Variants in ME1 observed in about 807,000 individuals in gnomAD.
The protein encoded by ME1 is NADP-dependent malic enzyme.
A neutral mutation model predicts 66.4 loss-of-function variants in ME1; 74 were observed. The observed-to-expected ratio is 1.11, with a 90% CI of 0.92 to 1.35. ME1 has a LOEUF of 1.35. ME1 is among the 40% of genes most tolerant of loss of function. The pLI is 0.00. For missense variants in ME1, 750 were observed against 694.1 expected (o/e 1.08, Z -0.90); for synonymous variants, 251 against 235.6 (o/e 1.07, Z -0.60).
intron 5 of ME1, among the ~76,000 whole-genome samples, chr6:83,318,030 T>C (rs920315995): frequency 6.6e-6 from 1 of 151,950 alleles, no homozygotes; most frequent in Non-Finnish European, 1.5e-5. Flanking sequence ...TTGACAAACC[T>C]GAGAAAAACA....
At chr6:83,277,936 A>C (rs1170465) in intron 6 of ME1, among the ~76,000 whole-genome samples, 70,558 of 149,550 alleles carry the variant, frequency 0.47, 18,282 homozygotes, top group African/African-American at 0.7. Flanking sequence ...AATATTTGGA[A>C]TTCAACACAG....
At chr6:83,367,052 G>A (rs116592893) in intron 3 of ME1, among the ~76,000 whole-genome samples, 65 of 152,268 alleles carry the variant, frequency 4.3e-4, no homozygotes, top group African/African-American at 1.4e-3. Flanking sequence ...CTGCAGAATG[G>A]ATGATGTTAG....
At chr6:83,284,078 A>G (rs1145914) in intron 6 of ME1, among the ~76,000 whole-genome samples, 33,904 of 152,124 alleles carry the variant, frequency 0.22, 4,157 homozygotes, top group Middle Eastern at 0.39. Context: ...ACAGAAACAC[A>G]GAAGATTCTC....
chr6:83,388,083 C>T lies in ME1; in HGVS notation c.362+10284G>A, dbSNP rs1258602120. On this transcript the variant is annotated intron_variant, in intron 3 of 13. Coordinates refer to ENST00000369705, the MANE Select transcript of ME1 (RefSeq NM_002395.6). ...CTTTCCTTTCTTCCTTCTTTCCTTCCTTCCTTCCTTTTTTTTTTTGGACAG... is the reference window on the plus strand; with the variant it reads ...CTTTCCTTTCTTCCTTCTTTCCTTCTTTCCTTCCTTTTTTTTTTTGGACAG... Among the ~76,000 whole-genome samples the T allele has an allele frequency of 2.5e-5, 3 of 118,322 alleles. No individual in the cohort carries two copies. In the East Asian group the frequency reaches 6.9e-4, roughly 27 times the overall value. 77.6% of individuals were successfully genotyped at this position (118,322 alleles called of 152,430 possible).
At chr6:83,271,887 G>A (rs1767087802) in intron 6 of ME1, among the ~76,000 whole-genome samples, 1 of 152,072 alleles carries the variant, frequency 6.6e-6, no homozygotes. Context: ...TGGGTACATA[G>A]TAGGTGTATA....
At chr6:83,355,598 C>T (rs1265813535) in intron 3 of ME1, among the ~76,000 whole-genome samples, 4 of 152,030 alleles carry the variant, frequency 2.6e-5, no homozygotes, top group South Asian at 2.1e-4. Context: ...AATAAAGGAC[C>T]GGTAACGTCC....
At position 83,325,996 on chromosome 6, in the gene ME1, A is replaced by G. The variant is rs1388428677; in HGVS notation, c.601-10583T>C. Among the ~76,000 whole-genome samples the G allele has an allele frequency of 2.6e-5, 4 of 152,074 alleles. No homozygotes were observed. In the East Asian group the frequency reaches 7.7e-4, roughly 29 times the overall value. On this transcript the variant is annotated intron_variant, in intron 5 of 13. Transcript: ENST00000369705. ...GGAGGCATCATGCTACCTGACTTCA[A>G]ACTATACTACAAGGCTACAGTAACC...
intron 9 of ME1, among the ~76,000 whole-genome samples, chr6:83,230,407 T>C (rs1318439378): frequency 1.3e-5 from 2 of 152,072 alleles, no homozygotes; most frequent in Non-Finnish European, 2.9e-5. Flanking sequence ...ATTTGAAACA[T>C]ATGAACCTCT....
At chr6:83,292,864 C>A (rs557632206) in intron 6 of ME1, among the ~76,000 whole-genome samples, 4 of 152,124 alleles carry the variant, frequency 2.6e-5, no homozygotes, top group African/African-American at 9.7e-5. Flanking sequence ...ACGCCCCTCC[C>A]GCCGCCAAGC....
chr6:83,314,906 G>A (rs1481090438), intron 6 of ME1, among the ~76,000 whole-genome samples: 1 of 152,100 alleles, frequency 6.6e-6, no homozygotes, highest in Admixed American at 6.6e-5. Flanking sequence ...GCTGGTGGTT[G>A]ACCATAAGAG....
intron 6 of ME1, among the ~76,000 whole-genome samples, chr6:83,288,135 C>T (rs1323855616): frequency 6.6e-6 from 1 of 152,064 alleles, no homozygotes; most frequent in African/African-American, 2.4e-5. Flanking sequence ...GTTTCTTTTG[C>T]TGTGCAGAAG....
intron 12 of ME1, among the ~76,000 whole-genome samples, chr6:83,219,277 G>A (rs1411467309): frequency 6.6e-6 from 1 of 152,194 alleles, no homozygotes; most frequent in African/African-American, 2.4e-5. Flanking sequence ...TTTTCTGGGT[G>A]TCAGGTATTG....
At chr6:83,381,426 C>T (rs1335033512) in intron 3 of ME1, among the ~76,000 whole-genome samples, 5 of 149,656 alleles carry the variant, frequency 3.3e-5, no homozygotes, top group South Asian at 4.2e-4. Flanking sequence ...GACGGAGTCT[C>T]GCTCTGTTGC....
chr6:83,303,736 T>C (rs1040034183), intron 6 of ME1, among the ~76,000 whole-genome samples: 17 of 152,096 alleles, frequency 1.1e-4, no homozygotes, highest in African/African-American at 3.6e-4. Context: ...GTTGGAACAC[T>C]TTAGAAACAT....
intron 12 of ME1, among the ~76,000 whole-genome samples, 177 bp downstream of exon 12, chr6:83,223,583 C>T (rs567043976): frequency 1.3e-5 from 2 of 152,274 alleles, no homozygotes; most frequent in African/African-American, 4.8e-5. Flanking sequence ...AAGAACCTTT[C>T]GTTTGTGAGT....
intron 2 of ME1, among the ~76,000 whole-genome samples, chr6:83,402,276 T>C (rs772469275): frequency 5.9e-5 from 9 of 152,226 alleles, no homozygotes; most frequent in Middle Eastern, 3.4e-3. Context: ...AATGGTGCTG[T>C]TTTTCTCATA....
intron 6 of ME1, among the ~76,000 whole-genome samples, chr6:83,288,627 T>G (rs1012124409): frequency 6.6e-6 from 1 of 152,168 alleles, no homozygotes; most frequent in Non-Finnish European, 1.5e-5. Flanking sequence ...AGGACTGTAT[T>G]GGTTATGCAG....
chr6:83,239,785 G>T, intron 7 of ME1, 149 bp from the exon 8 acceptor site: 1 of 570,416 alleles, frequency 1.8e-6, no homozygotes, highest in Admixed American at 3.0e-5. Context: ...TTGCATACGT[G>T]GTAAAATTCC....
At chr6:83,405,345 C>T (rs1769919376) in intron 2 of ME1, among the ~76,000 whole-genome samples, 1 of 152,104 alleles carries the variant, frequency 6.6e-6, no homozygotes. Context: ...GTGACTTTTG[C>T]ACATTGATTT....
Sources: allele counts gnomAD v4.1 joint callset (sites outside exome capture counted in the v4.1 genomes callset), GRCh38; gene constraint gnomAD v4.1.1; transcripts MANE v1.5; gene names NCBI Gene and HGNC (gene_info 2026-07-23, HGNC 2026-07-21).